The following RAB38 variants were observed in gnomAD, a reference collection of about 807,000 sequenced individuals.
The protein encoded by RAB38 is RAB38, member RAS oncogene family, also known as ras-related protein Rab-38.
A neutral mutation model predicts 18.4 loss-of-function variants in RAB38; 15 were observed. The ratio of observed to expected loss-of-function variants is 0.82; its 90% CI spans 0.55 to 1.26. The LOEUF is 1.26. Among genes scored for constraint, RAB38 ranks in the 50% most tolerant of loss-of-function variants. RAB38 has a pLI of 0.00. For synonymous variants in RAB38, 101 were observed against 104.4 expected (o/e 0.97, Z 0.20); for missense variants, 294 against 267.4 (o/e 1.10, Z -0.69).
chr11:87,887,674 C>G, the RAB38 span, among the ~76,000 whole-genome samples: 1 of 151,890 alleles, frequency 6.6e-6, no homozygotes, highest in East Asian at 2.0e-4. Flanking sequence ...GATAGGATCT[C>G]AAAAACATGA....
At chr11:88,174,233 T>C (rs1444435177) in intron 1 of RAB38, 4 of 335,228 alleles carry the variant, frequency 1.2e-5, no homozygotes, top group Non-Finnish European at 1.7e-5. Flanking sequence ...GGCTAAAATC[T>C]GTAATGAGGG....
chr11:87,830,922 C>T, the RAB38 span, among the ~76,000 whole-genome samples: 16 of 152,070 alleles, frequency 1.1e-4, no homozygotes, highest in African/African-American at 3.9e-4. Context: ...CCTCAGCCTC[C>T]CAAGTAGCTG....
chr11:87,894,924 T>C, the RAB38 span, among the ~76,000 whole-genome samples: 1 of 151,596 alleles, frequency 6.6e-6, no homozygotes, highest in African/African-American at 2.4e-5. Context: ...AAGAAAGGAT[T>C]AAGTAGCTCT....
chr11:88,139,635 T>C (rs1942881288), intron 2 of RAB38, among the ~76,000 whole-genome samples: 1 of 152,090 alleles, frequency 6.6e-6, no homozygotes. Context: ...GTTAACAAAT[T>C]CCAACACAAT....
At chr11:88,103,370 G>A in the RAB38 span, among the ~76,000 whole-genome samples, 2 of 152,110 alleles carry the variant, frequency 1.3e-5, no homozygotes, top group East Asian at 1.9e-4. Context: ...TTCTGACTAT[G>A]TTCTGGTCAG....
chr11:87,950,482 A>C, the RAB38 span, among the ~76,000 whole-genome samples: 2 of 151,972 alleles, frequency 1.3e-5, no homozygotes, highest in Admixed American at 6.6e-5. Context: ...TCCTAGCCTC[A>C]ATGGTCTTTA....
the RAB38 span, among the ~76,000 whole-genome samples, chr11:88,093,273 C>T: frequency 6.6e-6 from 1 of 151,748 alleles, no homozygotes; most frequent in Non-Finnish European, 1.5e-5. Flanking sequence ...ATCCAATCTG[C>T]AATAAACATT....
the RAB38 span, among the ~76,000 whole-genome samples, chr11:88,054,869 A>C: frequency 6.6e-6 from 1 of 152,212 alleles, no homozygotes; most frequent in Non-Finnish European, 1.5e-5. Context: ...CCATGGTCCT[A>C]AGACAAAGCC....
the RAB38 span, among the ~76,000 whole-genome samples, chr11:87,904,017 T>C: frequency 1.3e-5 from 2 of 151,726 alleles, no homozygotes; most frequent in Admixed American, 6.6e-5. Context: ...TTTCTATTTA[T>C]TTTATGGAAT....
In RAB38 at chr11:88,172,662, T is replaced by G. The variant is rs34749730; in HGVS notation, c.202+2521A>C. 4.6e-3 allele frequency among the ~76,000 whole-genome samples: 695 copies of G among 152,258 alleles called. 2 individuals carry two copies. The highest frequency in any genetic ancestry group is 7.2e-3 in the Non-Finnish European group (488 of 68,024). ...TATCTGTGGACAGACAGGCTGTGATTTGAAAGTACTATAAGGTACACCTGG... is the reference window on the plus strand; with the variant it reads ...TATCTGTGGACAGACAGGCTGTGATGTGAAAGTACTATAAGGTACACCTGG... On this transcript the variant is annotated intron_variant, in intron 1 of 2. Transcript: ENST00000243662.
At chr11:87,921,355 A>G in the RAB38 span, among the ~76,000 whole-genome samples, 1 of 151,990 alleles carries the variant, frequency 6.6e-6, no homozygotes, top group African/African-American at 2.4e-5. Flanking sequence ...TAAACAGCCA[A>G]TACACTACAG....
At chr11:88,149,089 T>G (rs1943029790) in intron 2 of RAB38, among the ~76,000 whole-genome samples, 1 of 152,132 alleles carries the variant, frequency 6.6e-6, no homozygotes, top group Non-Finnish European at 1.5e-5. Flanking sequence ...CAGCCCTGCC[T>G]CAGCTCCACC....
At chr11:88,094,117 T>A in the RAB38 span, among the ~76,000 whole-genome samples, 1 of 151,888 alleles carries the variant, frequency 6.6e-6, no homozygotes. Context: ...GAAGACTCAA[T>A]AAATACTGAG....
the RAB38 span, among the ~76,000 whole-genome samples, chr11:87,916,240 G>C: frequency 6.6e-6 from 1 of 151,986 alleles, no homozygotes; most frequent in African/African-American, 2.4e-5. Flanking sequence ...GGAATGCACT[G>C]GTTTATGTAT....
chr11:87,806,739 G>A, the RAB38 span, among the ~76,000 whole-genome samples: 1 of 152,052 alleles, frequency 6.6e-6, no homozygotes, highest in Non-Finnish European at 1.5e-5. Context: ...TTTAAATCAA[G>A]ACAAGTATTT....
the RAB38 span, among the ~76,000 whole-genome samples, chr11:87,969,321 G>A: frequency 6.6e-6 from 1 of 152,048 alleles, no homozygotes; most frequent in Non-Finnish European, 1.5e-5. Flanking sequence ...TAGAGTATGT[G>A]AATGAAAACT....
the RAB38 span, among the ~76,000 whole-genome samples, chr11:87,909,194 A>C: frequency 6.6e-6 from 1 of 151,958 alleles, no homozygotes; most frequent in Non-Finnish European, 1.5e-5. Context: ...CTATTGGGAA[A>C]ATTTCTTGAA....
the RAB38 span, among the ~76,000 whole-genome samples, chr11:87,873,922 G>GTGTGTATATATATATATATATA: frequency 3.6e-3 from 370 of 102,894 alleles, 2 homozygotes; most frequent in Admixed American, 6.0e-3. Flanking sequence ...GTGTGTGTGT[G>GTGTGTATATATATATATATATA]TATATATATA....
chr11:88,038,020 T>C, the RAB38 span, among the ~76,000 whole-genome samples: 2 of 152,194 alleles, frequency 1.3e-5, no homozygotes, highest in Admixed American at 6.5e-5. Context: ...GTATTGTCTA[T>C]GTATATAGAG....
Sources: allele counts gnomAD v4.1 joint callset (sites outside exome capture counted in the v4.1 genomes callset), GRCh38; gene constraint gnomAD v4.1.1; transcripts MANE v1.5; gene names NCBI Gene and HGNC (gene_info 2026-07-23, HGNC 2026-07-21).